Variants in KPNA4 observed in about 807,000 individuals in gnomAD.
KPNA4 encodes the protein importin subunit alpha-3.
A neutral mutation model predicts 71.3 loss-of-function variants in KPNA4; 13 were observed. The observed-to-expected ratio is 0.18, with a 90% CI of 0.12 to 0.29. The LOEUF (loss-of-function observed/expected upper bound fraction) is 0.29. Among genes scored for constraint, KPNA4 ranks in the 10% least tolerant of loss-of-function variants. The pLI is 1.00. For missense variants in KPNA4, 334 were observed against 603.2 expected, an observed-to-expected ratio of 0.55 and a Z score of 4.67; for synonymous variants, 189 against 195.2, an observed-to-expected ratio of 0.97 and a Z score of 0.26.
chr3:160,530,029 G>A (rs1334152792), intron 7 of KPNA4, among the ~76,000 whole-genome samples: 2 of 151,384 alleles, frequency 1.3e-5, no homozygotes, highest in African/African-American at 2.4e-5. Context: ...CAGGTACTTG[G>A]GAGACGGAAG....
chr3:160,546,950 T>C (rs1383097315), intron 1 of KPNA4, among the ~76,000 whole-genome samples: 1 of 152,234 alleles, frequency 6.6e-6, no homozygotes, highest in African/African-American at 2.4e-5. Context: ...CTTTGGTCTC[T>C]TAAGCCACAC....
chr3:160,540,432 A>T (rs1274383700), intron 1 of KPNA4, among the ~76,000 whole-genome samples: 82 of 152,336 alleles, frequency 5.4e-4, no homozygotes, highest in Non-Finnish European at 4.4e-5. Flanking sequence ...CCAGGCTATT[A>T]CCACTTTCAC....
chr3:160,519,253 T>C (rs1721294485), intron 11 of KPNA4, among the ~76,000 whole-genome samples: 1 of 152,182 alleles, frequency 6.6e-6, no homozygotes, highest in Admixed American at 6.5e-5. Flanking sequence ...TTTCCAAAAA[T>C]GTTTTGTAGT....
chr3:160,495,386 T>C lies in KPNA4; in HGVS notation c.*6718A>G, dbSNP rs535417863. 1.6e-4 allele frequency: 25 copies of C among 152,114 alleles called. No individual in the cohort carries two copies. Among genetic ancestry groups the C allele is most frequent in the African/African-American group, 4.3e-4 (18 of 41,434 alleles). The allele number at this position is 152,114 out of a possible 1,614,324, so 9.4% of individuals were successfully genotyped here. On this transcript the variant is annotated 3_prime_UTR_variant, in exon 17 of 17. Coordinates refer to ENST00000334256, the MANE Select transcript of KPNA4 (RefSeq NM_002268.5). The stretch of plus-strand genomic sequence containing the variant: ...TTTTCTTGCTCCCTGCAGCTGAGAA[T>C]TGCAAAAAGAAAACAGGGATAGAGA...
chr3:160,518,943 G>A (rs896929157), intron 11 of KPNA4, among the ~76,000 whole-genome samples: 3 of 152,174 alleles, frequency 2.0e-5, no homozygotes, highest in Non-Finnish European at 4.4e-5. Context: ...TGATCTGCAT[G>A]TCTATATTTA....
At chr3:160,525,773 A>C (rs781470568) in intron 10 of KPNA4, 27 bp downstream of exon 10, 2 of 1,446,370 alleles carry the variant, frequency 1.4e-6, no homozygotes, top group Non-Finnish European at 1.9e-6. Flanking sequence ...TACATACATA[A>C]ATATATAATA....
chr3:160,550,107 A>C (rs1305317436), intron 1 of KPNA4, among the ~76,000 whole-genome samples: 1 of 152,104 alleles, frequency 6.6e-6, no homozygotes, highest in African/African-American at 2.4e-5. Context: ...TATTAGTTCT[A>C]ATCATTTTTG....
At chr3:160,502,897 G>A (rs151253042) in intron 16 of KPNA4, among the ~76,000 whole-genome samples, 14 of 152,054 alleles carry the variant, frequency 9.2e-5, no homozygotes, top group Non-Finnish European at 1.8e-4. Flanking sequence ...GATCACCTGA[G>A]GTCAGGAGTT....
intron 1 of KPNA4, among the ~76,000 whole-genome samples, chr3:160,542,119 G>C (rs574314845): frequency 6.6e-6 from 1 of 152,292 alleles, no homozygotes; most frequent in African/African-American, 2.4e-5. Context: ...GGCATGTGTG[G>C]AATCTGCTGA....
chr3:160,535,900 TAAAAAAAA>T lies in KPNA4; in HGVS notation c.115-11_115-4del, dbSNP rs71628425. The T allele has an allele frequency of 6.2e-6, 2 of 324,046 alleles. No homozygotes were observed. The highest frequency in any genetic ancestry group is 4.0e-6 in the Non-Finnish European group (1 of 247,802). The allele number at this position is 324,046 out of a possible 1,614,324, so 20.1% of individuals were successfully genotyped here. On this transcript the variant is annotated splice_polypyrimidine_tract_variant and splice_region_variant and intron_variant, in intron 2 of 16. Coordinates refer to ENST00000334256, the MANE Select transcript of KPNA4 (RefSeq NM_002268.5). ...AAGAGATGTTCATCTCTTTTATTCT[TAAAAAAAA>T]AAAAAAAAAAAAAAAAACCAAACAG... is the stretch of plus-strand genomic sequence containing the variant.
intron 1 of KPNA4, among the ~76,000 whole-genome samples, chr3:160,552,615 G>C (rs1247951122): frequency 6.6e-6 from 1 of 152,092 alleles, no homozygotes. Context: ...GGAAAACAGG[G>C]GGGTTTAACT....
Position 160,501,232 on chromosome 3 carries a change from T to C in KPNA4, c.*872A>G, listed in dbSNP as rs1398256374. 4.7e-5 allele frequency: 7 copies of C among 149,810 alleles called. No individual in the cohort carries two copies. The highest frequency in any genetic ancestry group is 1.7e-4 in the African/African-American group (7 of 40,368). The allele number at this position is 149,810 out of a possible 1,614,324, so 9.3% of individuals were successfully genotyped here. A position where few individuals can be genotyped will look rare whatever the true frequency, so the allele number is the denominator to read the frequency against. ...AAACCTTCCTGAAAAGTTTTCTGAC[T>C]TGAGAAGCAACTAAAAAAAGGCATA... On this transcript the variant is annotated 3_prime_UTR_variant, in exon 17 of 17. Transcript: ENST00000334256.
rs190336540 is a variant in KPNA4 at position 160,559,638 on chromosome 3, C to G, written c.69+5576G>C. Reference sequence around the variant, plus strand: ...ACTATCTTTAAGAAACTACCTCTTGCAGAATTACGGTGTAGTATCACTTAA... The same window carrying G: ...ACTATCTTTAAGAAACTACCTCTTGGAGAATTACGGTGTAGTATCACTTAA... On this transcript the variant is annotated intron_variant, in intron 1 of 16. Transcript: ENST00000334256. Among the ~76,000 whole-genome samples, 52 of 152,192 alleles carry G rather than the reference C, an allele frequency of 3.4e-4. 1 individual carries two copies. In the East Asian group the frequency reaches 9.0e-3, roughly 26 times the overall value.
At chr3:160,546,409 T>G (rs1003575332) in intron 1 of KPNA4, among the ~76,000 whole-genome samples, 1 of 152,080 alleles carries the variant, frequency 6.6e-6, no homozygotes, top group African/African-American at 2.4e-5. Context: ...TCCCAGCTAC[T>G]TGGGAGGCAG....
chr3:160,535,459 T>G (rs1043117675), intron 5 of KPNA4, 54 bp downstream of exon 5: 19 of 1,352,650 alleles, frequency 1.4e-5, no homozygotes, highest in Non-Finnish European at 2.0e-5. Context: ...AAATTCAAAA[T>G]AGAACCCCTG....
chr3:160,547,395 A>G (rs1577061078), intron 1 of KPNA4, among the ~76,000 whole-genome samples: 1 of 152,232 alleles, frequency 6.6e-6, no homozygotes, highest in East Asian at 1.9e-4. Flanking sequence ...TTTTACAGGA[A>G]TGACACCATG....
intron 10 of KPNA4, among the ~76,000 whole-genome samples, chr3:160,522,843 TAAAAC>T (rs1389170850): frequency 3.7e-5 from 5 of 136,524 alleles, no homozygotes; most frequent in African/African-American, 1.4e-4. Flanking sequence ...GACCTGTAAT[TAAAAC>T]AAAAAATACG....
chr3:160,507,454 T>G (rs553836779), intron 15 of KPNA4, among the ~76,000 whole-genome samples: 1 of 148,246 alleles, frequency 6.7e-6, no homozygotes, highest in African/African-American at 2.5e-5. Flanking sequence ...GAGCCGAGAT[T>G]GTGCCATTGC....
Position 160,498,917 on chromosome 3 carries a change from T to C in KPNA4, c.*3187A>G, listed in dbSNP as rs1247501746. 1 of 152,224 alleles carries C rather than the reference T, an allele frequency of 6.6e-6. No homozygotes were observed. Among genetic ancestry groups the C allele is most frequent in the Non-Finnish European group, 1.5e-5 (1 of 68,048 alleles). The allele number at this position is 152,224 out of a possible 1,614,324, so 9.4% of individuals were successfully genotyped here. ...GCAGTTATTCTCTAAATTCAAAATT[T>C]AGCTTAATCTCTGTAACTTTTTCCT... On this transcript the variant is annotated 3_prime_UTR_variant, in exon 17 of 17. Coordinates refer to ENST00000334256, the MANE Select transcript of KPNA4 (RefSeq NM_002268.5).
Sources: gnomAD v4.1 joint callset for allele counts (sites outside exome capture counted in the v4.1 genomes callset) on GRCh38, gnomAD v4.1.1 for gene constraint, MANE v1.5 for transcripts, NCBI Gene and HGNC (gene_info 2026-07-23, HGNC 2026-07-21) for gene names.